ROBO2: variants seen among roughly 807,000 people sequenced by gnomAD.
ROBO2 encodes the protein roundabout guidance receptor 2.
In ROBO2, 53 loss-of-function variants were observed where a neutral mutation model predicts 160.8. The ratio of observed to expected loss-of-function variants is 0.33; its 90% CI spans 0.26 to 0.41. The LOEUF is 0.41. Among genes scored for constraint, ROBO2 ranks in the 10% least tolerant of loss-of-function variants. ROBO2 has a pLI of 1.00. For synonymous variants in ROBO2, 664 were observed against 611.7 expected (o/e 1.09, Z -1.26); for missense variants, 1,577 against 1,722.4 (o/e 0.92, Z 1.49).
rs548824929 is a variant in ROBO2, at chr3:77,091,809, T to C, written c.62-6205T>C. ...TCCTGGCCAATATGACGAAAATCCG[T>C]CTCTACTAATAATACAAAAAATTAG... On this transcript the variant is annotated intron_variant, in intron 1 of 25. Transcript: ENST00000461745. Among the ~76,000 whole-genome samples, 11 of 151,854 alleles carry C rather than the reference T, an allele frequency of 7.2e-5. No individual in the cohort carries two copies. The South Asian group carries it at 2.1e-3, about 29-fold the overall frequency.
At chr3:77,120,929 A>G (rs1355757931) in intron 2 of ROBO2, among the ~76,000 whole-genome samples, 1 of 152,112 alleles carries the variant, frequency 6.6e-6, no homozygotes, top group Non-Finnish European at 1.5e-5. Flanking sequence ...AATGGTGGAA[A>G]GAATGCAGAT....
At chr3:76,047,049 G>C (rs1312845674) in intron 2 of ROBO2, among the ~76,000 whole-genome samples, 2 of 152,162 alleles carry the variant, frequency 1.3e-5, no homozygotes. Context: ...ATTTGGAACA[G>C]AAGTGATATA....
chr3:76,235,075 G>A (rs1404569787), intron 2 of ROBO2, among the ~76,000 whole-genome samples: 1 of 152,076 alleles, frequency 6.6e-6, no homozygotes, highest in Admixed American at 6.5e-5. Flanking sequence ...CCAAAGGGTG[G>A]GTAAGTTGTA....
intron 23 of ROBO2, among the ~76,000 whole-genome samples, chr3:77,623,235 T>A (rs1213402656): frequency 6.6e-6 from 1 of 152,178 alleles, no homozygotes; most frequent in Non-Finnish European, 1.5e-5. Context: ...AGAAAATGCC[T>A]CTTACATGAC....
intron 2 of ROBO2, among the ~76,000 whole-genome samples, chr3:76,784,811 A>T (rs1452778262): frequency 1.3e-5 from 2 of 151,186 alleles, no homozygotes; most frequent in East Asian, 3.9e-4. Context: ...CCTAGTTGTT[A>T]CCAGATGATA....
At chr3:77,172,366 C>CT (rs1452083463) in intron 2 of ROBO2, among the ~76,000 whole-genome samples, 9 of 151,852 alleles carry the variant, frequency 5.9e-5, no homozygotes, top group Admixed American at 5.2e-4. Flanking sequence ...AGATGTATTT[C>CT]TTTTTTTGTG....
intron 2 of ROBO2, among the ~76,000 whole-genome samples, chr3:77,416,716 CAAAAAAA>C (rs61204363): frequency 1.1e-5 from 1 of 90,048 alleles, no homozygotes; most frequent in South Asian, 3.9e-4. Flanking sequence ...GATTCCATCT[CAAAAAAA>C]AAAAAAAAAA....
At chr3:76,377,481 C>G (rs1208392021) in intron 2 of ROBO2, among the ~76,000 whole-genome samples, 1 of 152,160 alleles carries the variant, frequency 6.6e-6, no homozygotes, top group Non-Finnish European at 1.5e-5. Context: ...GAAATTGCTA[C>G]TGAATATTAC....
chr3:76,221,201 T>C (rs554073300), intron 2 of ROBO2, among the ~76,000 whole-genome samples: 25 of 152,172 alleles, frequency 1.6e-4, no homozygotes, highest in African/African-American at 5.8e-4. Flanking sequence ...CAACAGAAGA[T>C]AAAGTCATGA....
intron 2 of ROBO2, among the ~76,000 whole-genome samples, chr3:76,361,414 A>G (rs748339696): frequency 6.6e-6 from 1 of 152,134 alleles, no homozygotes; most frequent in Non-Finnish European, 1.5e-5. Flanking sequence ...TATGCATTCT[A>G]TATGCACTGT....
chr3:76,749,253 GA>G (rs1004736036), intron 2 of ROBO2, among the ~76,000 whole-genome samples: 4 of 150,950 alleles, frequency 2.6e-5, no homozygotes, highest in Admixed American at 6.6e-5. Flanking sequence ...AATTTCTTTA[GA>G]AAAAAATAGA....
intron 2 of ROBO2, among the ~76,000 whole-genome samples, chr3:77,259,468 A>G: frequency 6.6e-6 from 1 of 152,210 alleles, no homozygotes; most frequent in East Asian, 1.9e-4. Flanking sequence ...AAAAGAAAAC[A>G]ATAGGTTACT....
At chr3:77,397,531 G>T (rs558691512) in intron 2 of ROBO2, among the ~76,000 whole-genome samples, 4 of 152,052 alleles carry the variant, frequency 2.6e-5, no homozygotes, top group Non-Finnish European at 5.9e-5. Flanking sequence ...GTGTGAATGC[G>T]ATTAGTTACT....
At chr3:76,606,128 AGT>A (rs562937404) in intron 2 of ROBO2, among the ~76,000 whole-genome samples, 5 of 152,120 alleles carry the variant, frequency 3.3e-5, no homozygotes, top group Admixed American at 6.5e-5. Context: ...GGGAAATAAA[AGT>A]GTTTCTTAAT....
intron 2 of ROBO2, among the ~76,000 whole-genome samples, chr3:77,374,947 A>G (rs4459876): frequency 0.82 from 125,534 of 152,244 alleles, 51,977 homozygotes; most frequent in East Asian, 1. Flanking sequence ...GCTGGCTCAT[A>G]CCTGTAATCC....
At chr3:76,473,812 G>A (rs1236278152) in intron 2 of ROBO2, among the ~76,000 whole-genome samples, 1 of 152,186 alleles carries the variant, frequency 6.6e-6, no homozygotes, top group East Asian at 1.9e-4. Flanking sequence ...CAGGTGGCAA[G>A]AGAGAGCTAT....
chr3:77,116,392 T>C (rs1177097204), intron 2 of ROBO2, among the ~76,000 whole-genome samples: 1 of 152,184 alleles, frequency 6.6e-6, no homozygotes, highest in Non-Finnish European at 1.5e-5. Context: ...GTTTACTTGA[T>C]GACTGAAGGG....
Position 77,390,521 on chromosome 3 carries a change from C to T in ROBO2, c.389-86893C>T, listed in dbSNP as rs150144066. Among the ~76,000 whole-genome samples the T allele has an allele frequency of 2.0e-3, 311 of 152,210 alleles. 2 individuals are homozygous for T. The highest frequency in any genetic ancestry group is 7.1e-3 in the African/African-American group (297 of 41,542). Reference sequence around the variant, plus strand: ...AAGTTTCCCTACATAATCTCTCTCGCCTGCCACCATATAAGGTATCCCTTG... The same window carrying T: ...AAGTTTCCCTACATAATCTCTCTCGTCTGCCACCATATAAGGTATCCCTTG... On this transcript the variant is annotated intron_variant, in intron 2 of 25. Coordinates refer to ENST00000461745, the Ensembl canonical transcript of ROBO2.
intron 1 of ROBO2, among the ~76,000 whole-genome samples, chr3:77,052,837 G>A (rs2065353866): frequency 6.6e-6 from 1 of 152,104 alleles, no homozygotes; most frequent in Non-Finnish European, 1.5e-5. Context: ...TTGTTTGTTT[G>A]ATAAAAGAAC....
Sources: gnomAD v4.1 joint callset for allele counts (sites outside exome capture counted in the v4.1 genomes callset) on GRCh38, gnomAD v4.1.1 for gene constraint, MANE v1.5 for transcripts, NCBI Gene and HGNC (gene_info 2026-07-23, HGNC 2026-07-21) for gene names.